MMS22L: variants seen among roughly 807,000 people sequenced by gnomAD.
MMS22L encodes protein MMS22-like.
In MMS22L, 74 loss-of-function variants were observed where a neutral mutation model predicts 159.1. That is an observed-to-expected ratio of 0.47 (90% CI 0.39 to 0.56). The LOEUF (loss-of-function observed/expected upper bound fraction) is 0.56. Among genes scored for constraint, MMS22L ranks in the 20% least tolerant of loss-of-function variants. The pLI is 0.00. For synonymous variants in MMS22L, 517 were observed against 506.9 expected (o/e 1.02, Z -0.27); for missense variants, 1,351 against 1,422.1 (o/e 0.95, Z 0.80).
chr6:97,189,551 CAAAAAAAAA>C (rs67620002), intron 14 of MMS22L, among the ~76,000 whole-genome samples: 2 of 55,228 alleles, frequency 3.6e-5, no homozygotes, highest in Middle Eastern at 0.024. Flanking sequence ...ACTCTGTCTC[CAAAAAAAAA>C]AAAAAAAAAA....
intron 9 of MMS22L, chr6:97,259,302 C>A (rs560281832): frequency 1.2e-4 from 19 of 152,254 alleles, no homozygotes; most frequent in African/African-American, 4.6e-4. Context: ...CTTGAACAGG[C>A]CACAGGATGC....
chr6:97,246,435 C>T (rs1812649976), intron 11 of MMS22L, among the ~76,000 whole-genome samples, 193 bp downstream of exon 11: 1 of 152,140 alleles, frequency 6.6e-6, no homozygotes, highest in Non-Finnish European at 1.5e-5. Flanking sequence ...ATATTATTGT[C>T]CTTTAACTGA....
At chr6:97,264,798 A>G (rs1445155496) in intron 8 of MMS22L, 1 of 152,148 alleles carries the variant, frequency 6.6e-6, no homozygotes, top group African/African-American at 2.4e-5. Context: ...TATATAGTAT[A>G]TACCTACAAA....
At position 97,246,706 on chromosome 6, in the gene MMS22L, A is replaced by ATAG. The variant is rs5878470; in HGVS notation, c.1120-19_1120-17dup. The ATAG allele has an allele frequency of 0.76, 1,196,312 of 1,575,986 alleles. 465,293 individuals are homozygous for ATAG. Among genetic ancestry groups the ATAG allele is most frequent in the African/African-American group, 0.79 (58,633 of 73,916 alleles). ...CCACTTTTCTCTAGAAAGGGAGAAA[A>ATAG]TAGTGCATCAAAATTATTGCTCTTG... On this transcript the variant is annotated splice_polypyrimidine_tract_variant and intron_variant, in intron 10 of 24. Transcript: ENST00000683635.
chr6:97,155,484 C>T (rs977409095), intron 22 of MMS22L, among the ~76,000 whole-genome samples: 4 of 152,120 alleles, frequency 2.6e-5, no homozygotes, highest in Non-Finnish European at 2.9e-5. Context: ...TCCTGACAGG[C>T]CCCGGTGTGT....
At chr6:97,224,830 A>G (rs1295143594) in intron 14 of MMS22L, among the ~76,000 whole-genome samples, 2 of 152,024 alleles carry the variant, frequency 1.3e-5, no homozygotes, top group Non-Finnish European at 2.9e-5. Context: ...GGTTACACTA[A>G]AAGCCCAAAT....
chr6:97,270,341 T>C lies in MMS22L; in HGVS notation c.607-349A>G, dbSNP rs540881689. On this transcript the variant is annotated intron_variant, in intron 6 of 24. Coordinates refer to ENST00000683635, the MANE Select transcript of MMS22L (RefSeq NM_001350599.2). Reference sequence around the variant, plus strand: ...ATTTTCATAATTTTGTTTTAGAATTTAGCTAGGAAATTTTTTTTAATGTAT... The same window carrying C: ...ATTTTCATAATTTTGTTTTAGAATTCAGCTAGGAAATTTTTTTTAATGTAT... 55 of 456,926 alleles carry C rather than the reference T, an allele frequency of 1.2e-4. 1 individual carries two copies. Among genetic ancestry groups the C allele is most frequent in the South Asian group, 7.8e-4 (49 of 62,920 alleles). 28.3% of individuals were successfully genotyped at this position (456,926 alleles called of 1,614,324 possible). A position where few individuals can be genotyped will look rare whatever the true frequency, so the allele number is the denominator to read the frequency against.
intron 9 of MMS22L, among the ~76,000 whole-genome samples, chr6:97,256,301 C>A (rs1002561720): frequency 1.3e-5 from 2 of 152,076 alleles, no homozygotes; most frequent in African/African-American, 2.4e-5. Context: ...AAAAGAGTAG[C>A]TCATTTATGT....
chr6:97,229,407 T>C lies in MMS22L; in HGVS notation c.1530-4A>G. 1 of 1,503,880 alleles carries C rather than the reference T, an allele frequency of 6.6e-7. No homozygotes were observed. 93.2% of individuals were successfully genotyped at this position (1,503,880 alleles called of 1,614,324 possible). A position where few individuals can be genotyped will look rare whatever the true frequency, so the allele number is the denominator to read the frequency against. On this transcript the variant is annotated splice_polypyrimidine_tract_variant and splice_region_variant and intron_variant, in intron 13 of 24. Coordinates refer to ENST00000683635, the MANE Select transcript of MMS22L (RefSeq NM_001350599.2). ...TTGATGGAATTTTGAATATATTCTG[T>C]AAAACATTAAAAAATGCTTTAATAA...
chr6:97,153,364 C>CT (rs59258093), intron 22 of MMS22L, among the ~76,000 whole-genome samples: 3,823 of 77,900 alleles, frequency 0.049, 484 homozygotes, highest in African/African-American at 0.16. Flanking sequence ...CTCTACAGAT[C>CT]TTTTTTTTTT....
chr6:97,229,332 A>G lies in MMS22L; in HGVS notation c.1601T>C (p.Leu534Pro), dbSNP rs757229556. 1 of 1,612,580 alleles carries G rather than the reference A, an allele frequency of 6.2e-7. No homozygotes were observed. Residue 534 changes from leucine (L) to proline (P), a missense_variant, in exon 14 of 25, where the codon CTT (leucine) becomes CCT (proline). Leu to Pro is a moderately conservative substitution (Grantham distance 98, BLOSUM62 -3). Coordinates refer to ENST00000683635, the MANE Select transcript of MMS22L (RefSeq NM_001350599.2). ...TGCAACAGCTGCTAACAGTAGAAAA[A>G]GGCTAAAAAAGTTCTGTAGACCAAC... ...TEVGLQNFFS[L>P]FLLLAAVAEV... is the part of the protein sequence containing the mutation.
In MMS22L at chr6:97,265,971, C is replaced by A. The variant is rs540152996; in HGVS notation, c.828+1901G>T. ...TCCTGACCTTGTGATCTGCCTGCCT[C>A]GGCCTCCCAAAGTGCTGGGATTACA... On this transcript the variant is annotated intron_variant, in intron 8 of 24. Coordinates refer to ENST00000683635, the MANE Select transcript of MMS22L (RefSeq NM_001350599.2). 2.6e-5 allele frequency: 4 copies of A among 152,268 alleles called. No individual in the cohort carries two copies. In the East Asian group the frequency reaches 7.7e-4, roughly 29 times the overall value. The allele number at this position is 152,268 out of a possible 1,614,324, so 9.4% of individuals were successfully genotyped here. A position where few individuals can be genotyped will look rare whatever the true frequency, so the allele number is the denominator to read the frequency against.
chr6:97,246,312 C>T (rs928989968), intron 11 of MMS22L, among the ~76,000 whole-genome samples: 1 of 152,182 alleles, frequency 6.6e-6, no homozygotes, highest in Non-Finnish European at 1.5e-5. Flanking sequence ...ATGCCAATGA[C>T]TATCTCCCTC....
intron 20 of MMS22L, among the ~76,000 whole-genome samples, chr6:97,167,792 T>C (rs1472873309): frequency 1.3e-5 from 2 of 151,312 alleles, no homozygotes; most frequent in Non-Finnish European, 2.9e-5. Context: ...TCCTCACCCA[T>C]AGTCTAATAG....
chr6:97,181,230 C>T (rs1480077650), intron 16 of MMS22L, among the ~76,000 whole-genome samples: 2 of 152,140 alleles, frequency 1.3e-5, no homozygotes, highest in Admixed American at 6.5e-5. Flanking sequence ...GCAGTTGTTA[C>T]TAAAAAGAGG....
Position 97,282,507 on chromosome 6 carries a change from G to A in MMS22L, c.-30C>T, listed in dbSNP as rs963582550. 3 of 1,481,136 alleles carry A rather than the reference G, an allele frequency of 2.0e-6. No individual in the cohort carries two copies. Among genetic ancestry groups the A allele is most frequent in the East Asian group, 5.5e-5 (2 of 36,516 alleles). The allele number at this position is 1,481,136 out of a possible 1,614,324, so 91.7% of individuals were successfully genotyped here. A position where few individuals can be genotyped will look rare whatever the true frequency, so the allele number is the denominator to read the frequency against. Reference sequence around the variant, plus strand: ...TACTTCATGTTCTGAAACACTTGGGGTTCGTCGTATCATTAAGGGCTCCAA... The same window carrying A: ...TACTTCATGTTCTGAAACACTTGGGATTCGTCGTATCATTAAGGGCTCCAA... On this transcript the variant is annotated 5_prime_UTR_variant, in exon 2 of 25. Coordinates refer to ENST00000683635, the MANE Select transcript of MMS22L (RefSeq NM_001350599.2).
chr6:97,279,662 C>T (rs1816574960), intron 3 of MMS22L, among the ~76,000 whole-genome samples: 1 of 151,416 alleles, frequency 6.6e-6, no homozygotes, highest in Admixed American at 6.6e-5. Flanking sequence ...TGGGGGGACC[C>T]TGTAATCCGA....
chr6:97,181,709 C>G (rs1362276068), intron 16 of MMS22L, among the ~76,000 whole-genome samples, 195 bp downstream of exon 16: 1 of 151,604 alleles, frequency 6.6e-6, no homozygotes, highest in Admixed American at 6.6e-5. Flanking sequence ...TTTTTTAAAG[C>G]AGGCCACAAA....
At chr6:97,220,472 TA>T (rs1486797036) in intron 14 of MMS22L, among the ~76,000 whole-genome samples, 3 of 152,214 alleles carry the variant, frequency 2.0e-5, no homozygotes, top group Non-Finnish European at 4.4e-5. Context: ...TATATCTGAA[TA>T]AAGCTAGCAA....
Sources: gnomAD v4.1 joint callset for allele counts (sites outside exome capture counted in the v4.1 genomes callset) on GRCh38, gnomAD v4.1.1 for gene constraint, MANE v1.5 for transcripts, NCBI Gene and HGNC (gene_info 2026-07-23, HGNC 2026-07-21) for gene names.